The following DCDC1 variants were observed in gnomAD, a reference collection of about 807,000 sequenced individuals.
DCDC1 encodes doublecortin domain containing 1.
Under a neutral mutation model 178.3 loss-of-function variants are expected in DCDC1, and 200 were observed. The ratio of observed to expected loss-of-function variants is 1.12; its 90% confidence interval spans 1.00 to 1.26. The LOEUF (loss-of-function observed/expected upper bound fraction) is 1.26. DCDC1 is among the 50% of genes most tolerant of loss of function. The pLI is 0.00. For missense variants in DCDC1, 1,983 were observed against 1,749.2 expected, an observed-to-expected ratio of 1.13 and a Z score of -2.38; for synonymous variants, 690 against 604.8, an observed-to-expected ratio of 1.14 and a Z score of -2.07.
chr11:31,257,533 G>T (rs1565506589), intron 8 of DCDC1, among the ~76,000 whole-genome samples: 1 of 151,944 alleles, frequency 6.6e-6, no homozygotes, highest in Admixed American at 6.6e-5. Flanking sequence ...AGAAAGTAAA[G>T]TGGCTTGAAA....
chr11:31,283,323 G>A (rs919019399), intron 7 of DCDC1, among the ~76,000 whole-genome samples: 7 of 151,556 alleles, frequency 4.6e-5, no homozygotes, highest in East Asian at 3.9e-4. Flanking sequence ...TGAAGTTCAC[G>A]GATCTTTTCT....
intron 9 of DCDC1, among the ~76,000 whole-genome samples, chr11:31,148,228 A>AAC (rs1964678464): frequency 6.6e-6 from 1 of 151,092 alleles, no homozygotes; most frequent in Admixed American, 6.6e-5. Flanking sequence ...AAAAAAAAAA[A>AAC]AAAAAACAGG....
intron 20 of DCDC1, among the ~76,000 whole-genome samples, chr11:30,977,546 A>C (rs1429270902): frequency 6.6e-6 from 1 of 152,204 alleles, no homozygotes; most frequent in Non-Finnish European, 1.5e-5. Context: ...AGTTTTTAAA[A>C]TTATATAAAA....
chr11:31,222,426 A>G (rs779587492), intron 9 of DCDC1, among the ~76,000 whole-genome samples: 1 of 152,088 alleles, frequency 6.6e-6, no homozygotes, highest in Non-Finnish European at 1.5e-5. Context: ...TACTCTTAAC[A>G]TACATATTTC....
chr11:31,018,746 T>C (rs1952661634), intron 20 of DCDC1, among the ~76,000 whole-genome samples: 3 of 152,300 alleles, frequency 2.0e-5, no homozygotes, highest in Middle Eastern at 3.4e-3. Context: ...TGATGAGAGA[T>C]ATTTAGTATA....
chr11:31,055,497 C>G (rs981334619), intron 20 of DCDC1, among the ~76,000 whole-genome samples: 3 of 152,164 alleles, frequency 2.0e-5, no homozygotes, highest in African/African-American at 7.2e-5. Flanking sequence ...AATCGCACTA[C>G]TGGGTATCTA....
chr11:31,275,438 A>C (rs935922615), intron 7 of DCDC1, among the ~76,000 whole-genome samples: 11 of 152,142 alleles, frequency 7.2e-5, no homozygotes, highest in Non-Finnish European at 1.2e-4. Context: ...GTTTAGGTAT[A>C]CACTCTTTTC....
intron 8 of DCDC1, among the ~76,000 whole-genome samples, chr11:31,255,135 G>A (rs1944325090): frequency 6.6e-6 from 1 of 152,094 alleles, no homozygotes; most frequent in Non-Finnish European, 1.5e-5. Flanking sequence ...CCTTTTCATA[G>A]CTGAATAACA....
rs564858829 is a variant in DCDC1 at position 31,132,545 on chromosome 11, T to A, written c.1315-4906A>T. On this transcript the variant is annotated intron_variant, in intron 10 of 38. Transcript: ENST00000684477. ...CTTTTTTTTTCCTCTACAAAGGCAA[T>A]GTGAATAGGGGTAAAAGAAGACAAA... Among the ~76,000 whole-genome samples, 13 of 151,980 alleles carry A rather than the reference T, an allele frequency of 8.6e-5. No homozygotes were observed. In the South Asian group the frequency reaches 2.7e-3, roughly 32 times the overall value.
In DCDC1 at chr11:31,176,406, G is replaced by A. The variant is rs78422445; in HGVS notation, c.1222-38622C>T. Among the ~76,000 whole-genome samples, 37 of 152,104 alleles carry A rather than the reference G, an allele frequency of 2.4e-4. No individual in the cohort carries two copies. In the East Asian group the frequency reaches 6.0e-3, roughly 25 times the overall value. On this transcript the variant is annotated intron_variant, in intron 9 of 38. Transcript: ENST00000684477. ...AAGCCTTTGAGTCTTATAGAACATC[G>A]TTAAACAAAGAAATATTCACATTAT...
intron 7 of DCDC1, among the ~76,000 whole-genome samples, chr11:31,290,170 T>C (rs1565557764): frequency 6.6e-6 from 1 of 152,026 alleles, no homozygotes; most frequent in Admixed American, 6.6e-5. Flanking sequence ...AGATATGTTT[T>C]TAAAAACTTA....
At chr11:30,971,878 G>A (rs1949822933) in intron 20 of DCDC1, among the ~76,000 whole-genome samples, 2 of 152,016 alleles carry the variant, frequency 1.3e-5, no homozygotes, top group Admixed American at 1.3e-4. Context: ...CAAAGTGCTG[G>A]GATTACAGGC....
intron 20 of DCDC1, among the ~76,000 whole-genome samples, chr11:30,997,634 A>G (rs779070239): frequency 3.3e-5 from 5 of 152,194 alleles, no homozygotes; most frequent in Admixed American, 6.5e-5. Flanking sequence ...TTTATACTAA[A>G]ATTGAACAAA....
chr11:31,250,415 C>CACACACACACACACACACATATAT (rs1223526182), intron 8 of DCDC1, among the ~76,000 whole-genome samples: 1 of 73,672 alleles, frequency 1.4e-5, no homozygotes, highest in Non-Finnish European at 2.8e-5. Flanking sequence ...CACACACACA[C>CACACACACACACACACACATATAT]ATATACATAT....
chr11:31,295,986 C>A (rs552025778), intron 6 of DCDC1, among the ~76,000 whole-genome samples: 1 of 152,148 alleles, frequency 6.6e-6, no homozygotes, highest in Non-Finnish European at 1.5e-5. Context: ...ACATTCTATA[C>A]ACCAATCACA....
chr11:31,292,216 G>A (rs1487760649), intron 6 of DCDC1, among the ~76,000 whole-genome samples: 1 of 152,008 alleles, frequency 6.6e-6, no homozygotes, highest in African/African-American at 2.4e-5. Flanking sequence ...AAATTAATAG[G>A]AATTAGAAAT....
chr11:31,159,372 A>T (rs988832753), intron 9 of DCDC1, among the ~76,000 whole-genome samples: 3 of 152,202 alleles, frequency 2.0e-5, no homozygotes, highest in Non-Finnish European at 4.4e-5. Context: ...GTACAATTTC[A>T]TAGGGCAAAT....
chr11:31,226,109 C>T (rs1024554252), intron 9 of DCDC1, among the ~76,000 whole-genome samples: 14 of 152,108 alleles, frequency 9.2e-5, no homozygotes, highest in Admixed American at 3.3e-4. Context: ...ATATAATTTT[C>T]TCTTATATTT....
chr11:31,252,236 A>C (rs1944089488), intron 8 of DCDC1, among the ~76,000 whole-genome samples: 1 of 152,170 alleles, frequency 6.6e-6, no homozygotes, highest in African/African-American at 2.4e-5. Flanking sequence ...TAAAGTTGGA[A>C]TGCTTACTAA....
Sources: allele counts gnomAD v4.1 joint callset (sites outside exome capture counted in the v4.1 genomes callset), GRCh38; gene constraint gnomAD v4.1.1; transcripts MANE v1.5; gene names NCBI Gene and HGNC (gene_info 2026-07-23, HGNC 2026-07-21).